The following ZRANB3 variants were observed in gnomAD, a reference collection of about 807,000 sequenced individuals.
The protein encoded by ZRANB3 is zinc finger RANBP2-type containing 3, also known as DNA annealing helicase and endonuclease ZRANB3.
Under a neutral mutation model 133.8 loss-of-function variants are expected in ZRANB3, and 125 were observed. The ratio of observed to expected loss-of-function variants is 0.93; its 90% CI spans 0.81 to 1.08. The LOEUF is 1.08. ZRANB3 is among the 50% of genes least tolerant of loss of function. The probability of loss-of-function intolerance (pLI) is 0.00; values close to 1 mark genes in which losing one functional copy is unlikely to be tolerated. For synonymous variants in ZRANB3, 387 were observed against 432.7 expected (o/e 0.89, Z 1.31); for missense variants, 1,229 against 1,275.5 (o/e 0.96, Z 0.56).
chr2:135,242,414 G>A (rs1201526802), intron 12 of ZRANB3, among the ~76,000 whole-genome samples: 4 of 151,708 alleles, frequency 2.6e-5, no homozygotes, highest in South Asian at 2.1e-4. Context: ...TGTGTGTTTC[G>A]GTTTTCCATT....
At chr2:135,258,779 A>G (rs1254938928) in intron 12 of ZRANB3, among the ~76,000 whole-genome samples, 1 of 152,202 alleles carries the variant, frequency 6.6e-6, no homozygotes, top group African/African-American at 2.4e-5. Context: ...CCAAGAAACC[A>G]GTTCTTTACC....
chr2:135,245,926 C>CAAAAAAAAAAAAAAAAA lies in ZRANB3; in HGVS notation c.1540-15016_1540-15000dup, dbSNP rs1177438717. On this transcript the variant is annotated intron_variant, in intron 12 of 20. Coordinates refer to ENST00000264159, the MANE Select transcript of ZRANB3 (RefSeq NM_032143.4). ...GGGCAACGAGATTGAAACTCCGTCT[C>CAAAAAAAAAAAAAAAAA]AAAAAAAAAAAAAAAAAAAAAAGAG... 1.0e-3 allele frequency among the ~76,000 whole-genome samples: 20 copies of CAAAAAAAAAAAAAAAAA among 19,546 alleles called. 2 individuals carry two copies. Among genetic ancestry groups the CAAAAAAAAAAAAAAAAA allele is most frequent in the South Asian group, 5.3e-3 (1 of 188 alleles). The allele number at this position is 19,546 out of a possible 152,430, so 12.8% of individuals were successfully genotyped here.
At chr2:135,390,322 T>TC (rs1687167632) in intron 3 of ZRANB3, among the ~76,000 whole-genome samples, 1 of 152,158 alleles carries the variant, frequency 6.6e-6, no homozygotes, top group African/African-American at 2.4e-5. Flanking sequence ...AGCCTCCATT[T>TC]CAGAGAGAAA....
At chr2:135,485,843 C>T (rs1013936818) in intron 2 of ZRANB3, among the ~76,000 whole-genome samples, 10 of 152,134 alleles carry the variant, frequency 6.6e-5, no homozygotes, top group South Asian at 2.1e-4. Context: ...AACATGTGAT[C>T]GTTTAGAGAG....
Position 135,362,154 on chromosome 2 carries a change from C to T in ZRANB3, c.181-8526G>A, listed in dbSNP as rs537383907. 1.8e-4 allele frequency among the ~76,000 whole-genome samples: 27 copies of T among 150,076 alleles called. 1 individual carries two copies. Among genetic ancestry groups the T allele is most frequent in the Admixed American group, 9.3e-4 (14 of 14,988 alleles). Reference sequence around the variant, plus strand: ...CGGAGCTTGCAGTGAGCTGAGATCGCGCCACTGCACTCCAGCCTGGGCAGC... The same window carrying T: ...CGGAGCTTGCAGTGAGCTGAGATCGTGCCACTGCACTCCAGCCTGGGCAGC... On this transcript the variant is annotated intron_variant, in intron 3 of 20. Transcript: ENST00000264159.
chr2:135,291,237 C>G (rs1032029217), intron 8 of ZRANB3, among the ~76,000 whole-genome samples: 1 of 151,968 alleles, frequency 6.6e-6, no homozygotes, highest in African/African-American at 2.4e-5. Context: ...GGAGTGAGTG[C>G]AGTGGCATGA....
intron 2 of ZRANB3, among the ~76,000 whole-genome samples, chr2:135,475,587 A>G (rs531127387): frequency 9.2e-5 from 14 of 152,328 alleles, no homozygotes; most frequent in Non-Finnish European, 1.6e-4. Context: ...GCTAAAGCTC[A>G]TGCTTCTTTT....
chr2:135,379,907 A>T (rs1037078449), intron 3 of ZRANB3, among the ~76,000 whole-genome samples: 23 of 152,194 alleles, frequency 1.5e-4, no homozygotes, highest in African/African-American at 5.3e-4. Flanking sequence ...TGCTGTATTC[A>T]AGAGACCCAT....
chr2:135,315,074 G>C (rs1407943967), intron 7 of ZRANB3, among the ~76,000 whole-genome samples: 1 of 152,018 alleles, frequency 6.6e-6, no homozygotes, highest in East Asian at 1.9e-4. Flanking sequence ...CCGATATTTA[G>C]AATTCTTAAT....
At chr2:135,280,667 T>C (rs1681060615) in intron 8 of ZRANB3, among the ~76,000 whole-genome samples, 1 of 152,158 alleles carries the variant, frequency 6.6e-6, no homozygotes, top group Non-Finnish European at 1.5e-5. Context: ...GAAGTAAAAG[T>C]AGTTAAAGAA....
chr2:135,407,889 A>G (rs1428910609), intron 2 of ZRANB3, among the ~76,000 whole-genome samples: 1 of 142,430 alleles, frequency 7.0e-6, no homozygotes, highest in Non-Finnish European at 1.5e-5. Context: ...AAACCTAGGC[A>G]ATACCATTCA....
At chr2:135,447,428 C>T (rs1690072913) in intron 2 of ZRANB3, among the ~76,000 whole-genome samples, 1 of 152,144 alleles carries the variant, frequency 6.6e-6, no homozygotes, top group South Asian at 2.1e-4. Flanking sequence ...TTTTCATAGC[C>T]ATTTTTCATT....
intron 8 of ZRANB3, among the ~76,000 whole-genome samples, chr2:135,310,539 A>G (rs1682921982): frequency 6.6e-6 from 1 of 152,082 alleles, no homozygotes; most frequent in African/African-American, 2.4e-5. Flanking sequence ...TAGTTTATAG[A>G]CCTACATCTA....
At chr2:135,479,564 G>A (rs1184244844) in intron 2 of ZRANB3, among the ~76,000 whole-genome samples, 1 of 152,122 alleles carries the variant, frequency 6.6e-6, no homozygotes, top group African/African-American at 2.4e-5. Flanking sequence ...TACTTGGAAG[G>A]CTGAGGCGAG....
At chr2:135,240,932 A>G (rs2105082390) in intron 12 of ZRANB3, among the ~76,000 whole-genome samples, 1 of 152,258 alleles carries the variant, frequency 6.6e-6, no homozygotes, top group East Asian at 1.9e-4. Flanking sequence ...GTTGTTGCTG[A>G]AAATGTTGTT....
intron 2 of ZRANB3, among the ~76,000 whole-genome samples, chr2:135,403,755 T>A (rs574109396): frequency 6.6e-6 from 1 of 152,196 alleles, no homozygotes; most frequent in Admixed American, 6.5e-5. Flanking sequence ...GAGACAAAAC[T>A]TCCAGAGGAA....
At chr2:135,417,105 C>T (rs1480044942) in intron 2 of ZRANB3, among the ~76,000 whole-genome samples, 2 of 152,148 alleles carry the variant, frequency 1.3e-5, no homozygotes, top group South Asian at 4.1e-4. Flanking sequence ...CCAAAATTGA[C>T]AAATGGGATC....
At chr2:135,511,291 C>G in intron 1 of ZRANB3, 1 of 975,536 alleles carries the variant, frequency 1.0e-6, no homozygotes, top group Non-Finnish European at 1.7e-6. Context: ...TCTTCTAATA[C>G]TAGCTCAGAC....
At chr2:135,486,737 C>T (rs1030533008) in intron 2 of ZRANB3, among the ~76,000 whole-genome samples, 2 of 152,184 alleles carry the variant, frequency 1.3e-5, no homozygotes, top group African/African-American at 4.8e-5. Flanking sequence ...TGGTCTCAAA[C>T]TCCTGACCTC....
Sources: gnomAD v4.1 joint callset for allele counts (sites outside exome capture counted in the v4.1 genomes callset) on GRCh38, gnomAD v4.1.1 for gene constraint, MANE v1.5 for transcripts, NCBI Gene and HGNC (gene_info 2026-07-23, HGNC 2026-07-21) for gene names.